Variants in KIAA0232 observed in about 807,000 individuals in gnomAD.
KIAA0232 encodes the protein uncharacterized protein KIAA0232.
A neutral mutation model predicts 122.0 loss-of-function variants in KIAA0232; 27 were observed. The observed-to-expected ratio is 0.22, with a 90% CI of 0.16 to 0.31. The LOEUF is 0.31. Among genes scored for constraint, KIAA0232 ranks in the 10% least tolerant of loss-of-function variants. The probability of loss-of-function intolerance (pLI) is 1.00; values close to 1 mark genes in which losing one functional copy is unlikely to be tolerated. For synonymous variants in KIAA0232, 613 were observed against 587.6 expected, an observed-to-expected ratio of 1.04 and a Z score of -0.63; for missense variants, 1,551 against 1,634.2, an observed-to-expected ratio of 0.95 and a Z score of 0.88.
intron 1 of KIAA0232, among the ~76,000 whole-genome samples, chr4:6,799,673 A>G (rs1051037164): frequency 1.3e-5 from 2 of 151,796 alleles, no homozygotes; most frequent in Non-Finnish European, 2.9e-5. Context: ...TTTTGCTTTG[A>G]GATTAGTTGG....
chr4:6,790,712 T>C (rs987550285), intron 1 of KIAA0232, among the ~76,000 whole-genome samples: 1 of 151,932 alleles, frequency 6.6e-6, no homozygotes, highest in African/African-American at 2.4e-5. Flanking sequence ...CTGATTAGTA[T>C]GTTGCTCCTT....
chr4:6,859,961 C>T (rs1720768608), intron 6 of KIAA0232, among the ~76,000 whole-genome samples: 1 of 152,228 alleles, frequency 6.6e-6, no homozygotes. Context: ...GTTTTCCATT[C>T]TGTGAGCATA....
chr4:6,878,995 A>G (rs552844622), intron 9 of KIAA0232, among the ~76,000 whole-genome samples: 41 of 152,108 alleles, frequency 2.7e-4, no homozygotes, highest in African/African-American at 8.0e-4. Flanking sequence ...CATATTCCCC[A>G]GTCCTCTCTC....
chr4:6,790,915 CTTT>C (rs35766310), intron 1 of KIAA0232, among the ~76,000 whole-genome samples: 36 of 92,944 alleles, frequency 3.9e-4, no homozygotes, highest in African/African-American at 1.6e-3. Context: ...TTTTTATATA[CTTT>C]TTTTTTTTTT....
intron 9 of KIAA0232, among the ~76,000 whole-genome samples, chr4:6,879,272 G>T: frequency 1.3e-5 from 2 of 152,148 alleles, no homozygotes; most frequent in East Asian, 3.9e-4. Context: ...CTGTTGTCAT[G>T]CCTGTTCTGC....
intron 1 of KIAA0232, among the ~76,000 whole-genome samples, chr4:6,783,268 G>A (rs1246059015): frequency 6.6e-6 from 1 of 152,218 alleles, no homozygotes; most frequent in African/African-American, 2.4e-5. Context: ...TGGGACCCCC[G>A]CCCCGACCCC....
chr4:6,790,638 G>A (rs1485707430), intron 1 of KIAA0232, among the ~76,000 whole-genome samples: 2 of 151,978 alleles, frequency 1.3e-5, no homozygotes, highest in African/African-American at 2.4e-5. Flanking sequence ...TCCCGCCTTG[G>A]CCTCTCAAAG....
chr4:6,870,036 T>G (rs1476844564), intron 7 of KIAA0232, among the ~76,000 whole-genome samples: 1 of 152,168 alleles, frequency 6.6e-6, no homozygotes, highest in East Asian at 1.9e-4. Flanking sequence ...GCAGGCTCAC[T>G]CTCTCAGGCA....
At position 6,862,841 on chromosome 4, in the gene KIAA0232, A is replaced by T; in HGVS notation, c.2459A>T (p.Tyr820Phe). ...AATGAAAGTCCACATGGAGATGGCT[A>T]CAGCTCAGGGGTTATTAAAGACATT... Reference protein sequence around the residue: ...VCNESPHGDGYSSGVIKDIWT... With the variant: ...VCNESPHGDGFSSGVIKDIWT... Residue 820 changes from tyrosine (Y) to phenylalanine (F), a missense_variant, in exon 7 of 10, where the codon TAC becomes TTC. By Grantham distance (22) the Tyr-to-Phe change is conservative. Around this residue, in one of 5 missense-constraint regions of KIAA0232, gnomAD observed 1,108 missense variants for 1,154.8 expected, o/e 0.96. Transcript: ENST00000307659. 1.2e-6 allele frequency: 2 copies of T among 1,614,188 alleles called. No individual in the cohort carries two copies. Among genetic ancestry groups the T allele is most frequent in the Non-Finnish European group, 1.7e-6 (2 of 1,180,042 alleles).
At chr4:6,832,266 A>G (rs1413889466) in intron 3 of KIAA0232, among the ~76,000 whole-genome samples, 1 of 151,234 alleles carries the variant, frequency 6.6e-6, no homozygotes, top group Non-Finnish European at 1.5e-5. Context: ...TCTTCATGAC[A>G]TTTTTTATTA....
At chr4:6,821,618 C>CTA (rs199959092) in intron 2 of KIAA0232, among the ~76,000 whole-genome samples, 562 of 150,224 alleles carry the variant, frequency 3.7e-3, no homozygotes, top group African/African-American at 0.013. Flanking sequence ...ATACACATAT[C>CTA]TATATATATA....
At chr4:6,826,607 C>T (rs949105346) in intron 3 of KIAA0232, among the ~76,000 whole-genome samples, 8 of 150,992 alleles carry the variant, frequency 5.3e-5, no homozygotes, top group African/African-American at 1.9e-4. Flanking sequence ...TGGGCTCAAG[C>T]GATCTTCCTG....
intron 3 of KIAA0232, among the ~76,000 whole-genome samples, chr4:6,838,189 CT>C (rs57836301): frequency 0.76 from 96,012 of 126,058 alleles, 36,041 homozygotes; most frequent in Non-Finnish European, 0.8. Context: ...ACAAAGATAG[CT>C]TTTTTTTTTT....
intron 4 of KIAA0232, among the ~76,000 whole-genome samples, chr4:6,849,425 C>T (rs569501816): frequency 5.3e-5 from 8 of 152,244 alleles, no homozygotes; most frequent in Non-Finnish European, 1.2e-4. Context: ...AGATCAGCCT[C>T]GCCAACATGG....
intron 7 of KIAA0232, among the ~76,000 whole-genome samples, chr4:6,867,184 T>G (rs1010754496): frequency 2.0e-5 from 3 of 152,230 alleles, no homozygotes; most frequent in African/African-American, 7.2e-5. Context: ...TTAGGGCATT[T>G]GACCAATGCA....
At chr4:6,836,955 G>A (rs942588632) in intron 3 of KIAA0232, among the ~76,000 whole-genome samples, 2 of 152,172 alleles carry the variant, frequency 1.3e-5, no homozygotes, top group East Asian at 3.9e-4. Context: ...TTTCCACACA[G>A]ACACGGTAAC....
chr4:6,786,606 C>G (rs1467328146), intron 1 of KIAA0232, among the ~76,000 whole-genome samples: 1 of 152,204 alleles, frequency 6.6e-6, no homozygotes, highest in Non-Finnish European at 1.5e-5. Flanking sequence ...CCGCACAAGA[C>G]CCAGATGAAG....
chr4:6,793,002 G>T (rs1212937858), intron 1 of KIAA0232, among the ~76,000 whole-genome samples: 9 of 151,904 alleles, frequency 5.9e-5, no homozygotes, highest in Non-Finnish European at 1.5e-5. Context: ...AGTTATTTTT[G>T]AACTCAGAAC....
chr4:6,870,505 A>G (rs1721417562), intron 7 of KIAA0232, among the ~76,000 whole-genome samples: 1 of 152,254 alleles, frequency 6.6e-6, no homozygotes, highest in Non-Finnish European at 1.5e-5. Context: ...AACTGTGCCT[A>G]TAAGAATTTC....
Sources: gnomAD v4.1 joint callset for allele counts (sites outside exome capture counted in the v4.1 genomes callset) on GRCh38, gnomAD v4.1.1 for gene constraint, gnomAD v4.1.1 regional missense constraint, MANE v1.5 for transcripts, NCBI Gene and HGNC (gene_info 2026-07-23, HGNC 2026-07-21) for gene names.